The following RALYL variants were observed in gnomAD, a reference collection of about 807,000 sequenced individuals.
RALYL encodes RNA-binding Raly-like protein.
A neutral mutation model predicts 35.1 loss-of-function variants in RALYL; 29 were observed. The ratio of observed to expected loss-of-function variants is 0.83; its 90% CI spans 0.61 to 1.13. The LOEUF (loss-of-function observed/expected upper bound fraction) is 1.13, where lower values mean the gene tolerates loss of function less well. Ranked by LOEUF, RALYL falls within the 50% of genes most tolerant of loss-of-function variation. RALYL has a pLI of 0.00. For synonymous variants in RALYL, 120 were observed against 127.6 expected (o/e 0.94, Z 0.40); for missense variants, 359 against 360.4 (o/e 1.00, Z 0.03).
chr8:84,476,877 C>T (rs1371085921), intron 1 of RALYL, among the ~76,000 whole-genome samples: 1 of 152,192 alleles, frequency 6.6e-6, no homozygotes, highest in Non-Finnish European at 1.5e-5. Flanking sequence ...GCAATAACTA[C>T]ACTTGGGGCT....
chr8:84,484,143 TCA>T (rs773695941), intron 1 of RALYL, among the ~76,000 whole-genome samples: 5 of 152,134 alleles, frequency 3.3e-5, no homozygotes, highest in Non-Finnish European at 7.4e-5. Context: ...ACTTTAACAT[TCA>T]GTAACTTTTA....
intron 2 of RALYL, among the ~76,000 whole-genome samples, chr8:84,672,780 A>AT (rs1564349199): frequency 1.3e-5 from 2 of 152,150 alleles, no homozygotes; most frequent in Admixed American, 6.5e-5. Context: ...ACCTGCCCCC[A>AT]TGATGCAGTT....
At position 84,531,968 on chromosome 8, in the gene RALYL, C is replaced by A. The variant is rs528314887; in HGVS notation, c.256+2391C>A. On this transcript the variant is annotated intron_variant, in intron 2 of 8. Coordinates refer to ENST00000521268, the MANE Select transcript of RALYL (RefSeq NM_173848.7). The stretch of plus-strand genomic sequence containing the variant: ...TTAAATTGTACCTCTTCTAAGATAC[C>A]ATTTCTCATTCTCAGTCATTCCTCT... 2.7e-4 allele frequency among the ~76,000 whole-genome samples: 41 copies of A among 152,172 alleles called. 1 individual carries two copies. The highest frequency in any genetic ancestry group is 6.8e-3 in the Middle Eastern group (2 of 294).
intron 1 of RALYL, among the ~76,000 whole-genome samples, chr8:84,463,961 T>G (rs967326736): frequency 1.3e-5 from 2 of 152,038 alleles, no homozygotes; most frequent in Non-Finnish European, 2.9e-5. Flanking sequence ...TTTTCTAGAA[T>G]GTCATATCAA....
intron 2 of RALYL, among the ~76,000 whole-genome samples, chr8:84,663,990 G>A (rs895470267): frequency 1.4e-4 from 21 of 152,078 alleles, no homozygotes; most frequent in East Asian, 5.8e-4. Context: ...ATTGATTTTC[G>A]TGTATGGTGT....
chr8:84,732,966 G>T (rs1030811764), intron 2 of RALYL, among the ~76,000 whole-genome samples: 31 of 151,886 alleles, frequency 2.0e-4, no homozygotes, highest in African/African-American at 7.5e-4. Context: ...AAAGTGCTGG[G>T]ATTACAGGCA....
chr8:84,431,999 A>G (rs955993991), intron 1 of RALYL, among the ~76,000 whole-genome samples: 7 of 152,162 alleles, frequency 4.6e-5, no homozygotes, highest in Non-Finnish European at 7.4e-5. Flanking sequence ...AAAATTCTGT[A>G]GCAGCTATGG....
At chr8:84,493,374 CAT>C (rs147841820) in intron 1 of RALYL, among the ~76,000 whole-genome samples, 6,785 of 152,158 alleles carry the variant, frequency 0.045, 319 homozygotes, top group African/African-American at 0.12. Flanking sequence ...CTGCAATAAA[CAT>C]ATGTGTGCGT....
chr8:84,425,321 GTC>G (rs958604897), intron 1 of RALYL, among the ~76,000 whole-genome samples: 1 of 151,942 alleles, frequency 6.6e-6, no homozygotes, highest in African/African-American at 2.4e-5. Flanking sequence ...TTCCAGGTGC[GTC>G]CGTCACCCCT....
At chr8:84,806,884 G>T (rs1824761292) in intron 4 of RALYL, among the ~76,000 whole-genome samples, 1 of 152,004 alleles carries the variant, frequency 6.6e-6, no homozygotes, top group Admixed American at 6.6e-5. Context: ...GTGGTGCCGT[G>T]CCTCTAGTCC....
At chr8:84,904,971 C>T (rs562099947) in intron 8 of RALYL, among the ~76,000 whole-genome samples, 1 of 152,152 alleles carries the variant, frequency 6.6e-6, no homozygotes, top group African/African-American at 2.4e-5. Context: ...TGAGATCTAC[C>T]ATCTTTAAAA....
At chr8:84,376,021 G>A (rs1255958087) in intron 1 of RALYL, among the ~76,000 whole-genome samples, 6 of 151,818 alleles carry the variant, frequency 4.0e-5, no homozygotes, top group Admixed American at 6.6e-5. Context: ...AGAGTTATTT[G>A]AAGAATAAGT....
intron 1 of RALYL, among the ~76,000 whole-genome samples, chr8:84,216,936 G>A (rs1194125139): frequency 1.3e-5 from 2 of 152,106 alleles, no homozygotes; most frequent in Non-Finnish European, 2.9e-5. Flanking sequence ...TAGAGGTGGT[G>A]TATAACCAGT....
intron 2 of RALYL, among the ~76,000 whole-genome samples, chr8:84,539,833 C>T (rs4740025): frequency 0.23 from 5,196 of 22,942 alleles, 254 homozygotes; most frequent in Middle Eastern, 0.32. Context: ...ATCAAGTATA[C>T]ATATATATAT....
chr8:84,856,643 T>G (rs1355337289), intron 5 of RALYL, among the ~76,000 whole-genome samples: 1 of 152,172 alleles, frequency 6.6e-6, no homozygotes, highest in East Asian at 1.9e-4. Flanking sequence ...AACCAAAGAT[T>G]TATTTGAAGT....
intron 1 of RALYL, among the ~76,000 whole-genome samples, chr8:84,416,831 C>T (rs1231677475): frequency 1.3e-5 from 2 of 152,112 alleles, no homozygotes; most frequent in African/African-American, 4.8e-5. Flanking sequence ...AAAGAATATA[C>T]TTTACCCAAT....
chr8:84,523,553 T>C (rs1200232846), intron 1 of RALYL, among the ~76,000 whole-genome samples: 1 of 151,978 alleles, frequency 6.6e-6, no homozygotes, highest in Non-Finnish European at 1.5e-5. Flanking sequence ...TTAGGGTACA[T>C]GTGCACATTG....
intron 2 of RALYL, among the ~76,000 whole-genome samples, chr8:84,555,146 G>T (rs998688859): frequency 6.6e-6 from 1 of 152,110 alleles, no homozygotes; most frequent in African/African-American, 2.4e-5. Context: ...GGGCGTGGTG[G>T]CACACGCCTG....
intron 2 of RALYL, among the ~76,000 whole-genome samples, chr8:84,646,781 G>C (rs1264076991): frequency 6.6e-6 from 1 of 151,816 alleles, no homozygotes; most frequent in African/African-American, 2.4e-5. Flanking sequence ...TCCATCTACT[G>C]TCAATAACTC....
Sources: allele counts gnomAD v4.1 joint callset (sites outside exome capture counted in the v4.1 genomes callset), GRCh38; gene constraint gnomAD v4.1.1; transcripts MANE v1.5; gene names NCBI Gene and HGNC (gene_info 2026-07-23, HGNC 2026-07-21).